ZNF804B: variants seen among roughly 807,000 people sequenced by gnomAD.
ZNF804B encodes zinc finger protein 804B.
ZNF804B carries 80 observed loss-of-function variants against 101.4 expected under a neutral mutation model. That is an observed-to-expected ratio of 0.79 (90% CI 0.66 to 0.95). The LOEUF is 0.95. ZNF804B is among the 40% of genes least tolerant of loss of function. ZNF804B has a pLI of 0.00. For missense variants in ZNF804B, 1,673 were observed against 1,561.9 expected (o/e 1.07, Z -1.20); for synonymous variants, 622 against 558.8 (o/e 1.11, Z -1.59).
At chr7:89,141,846 A>G (rs1445082929) in intron 1 of ZNF804B, among the ~76,000 whole-genome samples, 1 of 151,226 alleles carries the variant, frequency 6.6e-6, no homozygotes. Context: ...GGGACTTCCA[A>G]AAGCTCCTGA....
intron 1 of ZNF804B, among the ~76,000 whole-genome samples, chr7:88,943,062 A>G (rs1793077578): frequency 6.6e-6 from 1 of 151,884 alleles, no homozygotes; most frequent in Non-Finnish European, 1.5e-5. Context: ...CCAGCTGCAA[A>G]CCACAATCAG....
At chr7:88,969,235 TG>T (rs997311721) in intron 1 of ZNF804B, among the ~76,000 whole-genome samples, 1 of 151,634 alleles carries the variant, frequency 6.6e-6, no homozygotes, top group Admixed American at 6.6e-5. Context: ...ATAAAGATTC[TG>T]GGAGTCTTAG....
At chr7:88,908,017 G>T (rs531961069) in intron 1 of ZNF804B, among the ~76,000 whole-genome samples, 1 of 151,948 alleles carries the variant, frequency 6.6e-6, no homozygotes, top group South Asian at 2.1e-4. Flanking sequence ...AGATTCCTTA[G>T]TTAGTCAGTT....
At chr7:89,219,723 C>T (rs530945191) in intron 2 of ZNF804B, among the ~76,000 whole-genome samples, 1 of 100,434 alleles carries the variant, frequency 1.0e-5, no homozygotes, top group African/African-American at 4.0e-5. Flanking sequence ...ATGGACCTGG[C>T]ATGTTGGAAT....
At chr7:88,999,384 A>C (rs1045037825) in intron 1 of ZNF804B, among the ~76,000 whole-genome samples, 1 of 152,060 alleles carries the variant, frequency 6.6e-6, no homozygotes, top group African/African-American at 2.4e-5. Flanking sequence ...GAATTACATA[A>C]TTCTTACAGA....
At chr7:88,926,946 G>GGGGT (rs536407283) in intron 1 of ZNF804B, among the ~76,000 whole-genome samples, 1 of 148,774 alleles carries the variant, frequency 6.7e-6, no homozygotes, top group Non-Finnish European at 1.5e-5. Context: ...TGGGGAGCGG[G>GGGGT]GGGAAAGCTG....
chr7:89,248,674 A>C (rs1789488328), intron 2 of ZNF804B, among the ~76,000 whole-genome samples: 1 of 152,102 alleles, frequency 6.6e-6, no homozygotes, highest in Admixed American at 6.6e-5. Flanking sequence ...AATACCTGCT[A>C]CCACAAAAAT....
intron 1 of ZNF804B, among the ~76,000 whole-genome samples, chr7:88,873,964 G>C (rs1043700072): frequency 6.6e-6 from 1 of 152,066 alleles, no homozygotes; most frequent in Non-Finnish European, 1.5e-5. Flanking sequence ...CTCTTTTTTG[G>C]TTCCATATGA....
chr7:88,966,130 C>T (rs1419583560), intron 1 of ZNF804B, among the ~76,000 whole-genome samples: 2 of 151,316 alleles, frequency 1.3e-5, no homozygotes, highest in African/African-American at 4.8e-5. Flanking sequence ...CCACATCTTT[C>T]CAGCATGTTT....
intron 2 of ZNF804B, among the ~76,000 whole-genome samples, chr7:89,281,801 T>C (rs1397290185): frequency 6.6e-6 from 1 of 152,144 alleles, no homozygotes; most frequent in Non-Finnish European, 1.5e-5. Flanking sequence ...TAATGGGCTC[T>C]GGATCTAAAA....
rs114359164 is a variant in ZNF804B at position 88,845,796 on chromosome 7, G to C, written c.108+85712G>C. Among the ~76,000 whole-genome samples the C allele has an allele frequency of 3.3e-5, 5 of 152,196 alleles. No individual in the cohort carries two copies. In the East Asian group the frequency reaches 9.7e-4, roughly 29 times the overall value. ...TTTGCAACTGATTGCTGGTATAATT[G>C]TTTTCCTCCCTAAAGTGAGAGGCCC... is the stretch of plus-strand genomic sequence containing the variant. On this transcript the variant is annotated intron_variant, in intron 1 of 3. Transcript: ENST00000333190.
chr7:89,273,759 T>C (rs1289817530), intron 2 of ZNF804B, among the ~76,000 whole-genome samples: 3 of 152,204 alleles, frequency 2.0e-5, no homozygotes, highest in Non-Finnish European at 4.4e-5. Flanking sequence ...GTGGTAGATT[T>C]AAATTTGCTC....
intron 1 of ZNF804B, among the ~76,000 whole-genome samples, chr7:89,079,778 C>T (rs138801078): frequency 3.3e-5 from 5 of 152,008 alleles, no homozygotes; most frequent in South Asian, 4.1e-4. Flanking sequence ...CATGACTTGC[C>T]GATATCCAGG....
chr7:88,780,496 C>T (rs1333127201), intron 1 of ZNF804B, among the ~76,000 whole-genome samples: 2 of 146,862 alleles, frequency 1.4e-5, no homozygotes, highest in African/African-American at 5.1e-5. Flanking sequence ...CTCAGGTGAT[C>T]CTCCCACCTG....
At chr7:88,972,633 G>A (rs1359786483) in intron 1 of ZNF804B, among the ~76,000 whole-genome samples, 2 of 151,234 alleles carry the variant, frequency 1.3e-5, no homozygotes, top group Admixed American at 1.3e-4. Flanking sequence ...GGAAGAAAGT[G>A]TTGATATAAG....
At chr7:89,191,540 T>A (rs1472914198) in intron 1 of ZNF804B, among the ~76,000 whole-genome samples, 1 of 152,130 alleles carries the variant, frequency 6.6e-6, no homozygotes. Flanking sequence ...GAATAACTCA[T>A]CAACTTTTAA....
intron 1 of ZNF804B, among the ~76,000 whole-genome samples, chr7:88,844,976 C>A (rs1791347304): frequency 6.6e-6 from 1 of 152,150 alleles, no homozygotes; most frequent in African/African-American, 2.4e-5. Flanking sequence ...CTCATTAAAG[C>A]AAAACCATCA....
At chr7:88,880,054 A>AT in intron 1 of ZNF804B, among the ~76,000 whole-genome samples, 1 of 151,848 alleles carries the variant, frequency 6.6e-6, no homozygotes, top group East Asian at 1.9e-4. Context: ...AAAAAAGAAA[A>AT]AAAAAAACCA....
chr7:88,874,269 T>G (rs558251113), intron 1 of ZNF804B, among the ~76,000 whole-genome samples: 1 of 152,248 alleles, frequency 6.6e-6, no homozygotes, highest in South Asian at 2.1e-4. Flanking sequence ...TGGCTTTCTG[T>G]TTGTCTGTTG....
Sources: gnomAD v4.1 joint callset for allele counts (sites outside exome capture counted in the v4.1 genomes callset) on GRCh38, gnomAD v4.1.1 for gene constraint, MANE v1.5 for transcripts, NCBI Gene and HGNC (gene_info 2026-07-23, HGNC 2026-07-21) for gene names.